RTTN: variants seen among roughly 807,000 people sequenced by gnomAD.
RTTN encodes the protein rotatin.
RTTN carries 182 observed loss-of-function variants against 269.2 expected under a neutral mutation model. The ratio of observed to expected loss-of-function variants is 0.68; its 90% CI spans 0.60 to 0.76. The LOEUF is 0.76. RTTN is among the 30% of genes least tolerant of loss of function. The probability of loss-of-function intolerance (pLI) is 0.00; values close to 1 mark genes in which losing one functional copy is unlikely to be tolerated. For synonymous variants in RTTN, 1,006 were observed against 963.5 expected, an observed-to-expected ratio of 1.04 and a Z score of -0.82; for missense variants, 2,545 against 2,608.6, an observed-to-expected ratio of 0.98 and a Z score of 0.53.
At chr18:70,092,831 T>C (rs759799507) in intron 28 of RTTN, 27 bp from the exon 29 acceptor site, 2 of 1,589,208 alleles carry the variant, frequency 1.3e-6, no homozygotes, top group Non-Finnish European at 1.7e-6. Flanking sequence ...AACAATTTCA[T>C]GGTGGCTTTA....
At chr18:70,091,342 G>A (rs2058840047) in intron 30 of RTTN, among the ~76,000 whole-genome samples, 1 of 152,034 alleles carries the variant, frequency 6.6e-6, no homozygotes, top group Non-Finnish European at 1.5e-5. Context: ...TTGAAGACAG[G>A]GTTTCTAGGA....
Position 70,169,040 on chromosome 18 carries a change from A to C in RTTN, c.1504T>G (p.Ser502Ala). The C allele has an allele frequency of 1.2e-6, 2 of 1,604,812 alleles. No individual in the cohort carries two copies. The highest frequency in any genetic ancestry group is 1.7e-6 in the Non-Finnish European group (2 of 1,177,778). The change falls in exon 12 of 49, where the codon TCA becomes GCA. Residue 502 changes from serine to alanine, a missense_variant. By Grantham distance (99) the Ser-to-Ala change is moderately conservative. Transcript: ENST00000640769. ...KASEFLSEPMSTALFLLSLDM... is the reference protein window; with the variant it reads ...KASEFLSEPMATALFLLSLDM... ...AAAGAAAGGAGAAATAATGCTGTTG[A>C]CATAGGCTCTGATAAAAACTCGCTT... is the stretch of plus-strand genomic sequence containing the variant.
chr18:70,039,593 G>C (rs2057280120), intron 40 of RTTN, among the ~76,000 whole-genome samples: 3 of 152,176 alleles, frequency 2.0e-5, no homozygotes, highest in Admixed American at 6.5e-5. Flanking sequence ...AAGGATGTTC[G>C]TGAGCAAGAA....
intron 21 of RTTN, among the ~76,000 whole-genome samples, chr18:70,135,855 T>TA: frequency 6.6e-6 from 1 of 152,292 alleles, no homozygotes; most frequent in South Asian, 2.1e-4. Context: ...CTCTACCACT[T>TA]ACTACTTAGC....
intron 40 of RTTN, among the ~76,000 whole-genome samples, chr18:70,037,353 A>G (rs560529084): frequency 1.5e-3 from 231 of 152,336 alleles, no homozygotes; most frequent in South Asian, 2.7e-3. Flanking sequence ...GGCTCGCAGC[A>G]ACAAAAGTGA....
At chr18:70,066,905 G>A (rs532616107) in intron 34 of RTTN, among the ~76,000 whole-genome samples, 105 of 152,080 alleles carry the variant, frequency 6.9e-4, no homozygotes, top group Non-Finnish European at 1.2e-3. Context: ...ACTAAAAATG[G>A]AATATACAGT....
Position 70,016,544 on chromosome 18 carries a change from CAT to C in RTTN, c.6421+861_6421+862del, listed in dbSNP as rs372766053. On this transcript the variant is annotated intron_variant, in intron 46 of 48. Coordinates refer to ENST00000640769, the MANE Select transcript of RTTN (RefSeq NM_173630.4). ...CCACCTTCTGTTTTTCACTAGAACACATGTCTTTTATAAAACTCACTCCCCAC... is the reference window on the plus strand; with the variant it reads ...CCACCTTCTGTTTTTCACTAGAACACGTCTTTTATAAAACTCACTCCCCAC... Among the ~76,000 whole-genome samples the C allele has an allele frequency of 1.3e-3, 204 of 152,322 alleles. 1 individual carries two copies. The highest frequency in any genetic ancestry group is 4.5e-3 in the African/African-American group (187 of 41,566).
In RTTN at chr18:70,048,137, G is replaced by T. The variant is rs2057544745; in HGVS notation, c.5375C>A (p.Thr1792Asn). 6.2e-7 allele frequency: 1 copy of T among 1,614,130 alleles called. No individual in the cohort carries two copies. The highest frequency in any genetic ancestry group is 8.5e-7 in the Non-Finnish European group (1 of 1,179,998). ...AACAGAAAGGAATTGCAAGCTGGCA[G>T]TATACAGGGCAGGACACGTGGCAGA... The part of the protein sequence containing the change: ...GLSATCPALY[T>N]ASLQFLSVLL... Residue 1792 changes from threonine to asparagine, a missense_variant, in exon 40 of 49, where the codon ACT becomes AAT. Coordinates refer to ENST00000640769, the MANE Select transcript of RTTN (RefSeq NM_173630.4).
chr18:70,169,043 T>A lies in RTTN; in HGVS notation c.1501A>T (p.Met501Leu). 1 of 1,599,622 alleles carries A rather than the reference T, an allele frequency of 6.3e-7. No homozygotes were observed. The highest frequency in any genetic ancestry group is 8.5e-7 in the Non-Finnish European group (1 of 1,176,306). The change falls in exon 12 of 49, where the codon ATG (methionine) becomes TTG (leucine). Residue 501 changes from methionine to leucine, a missense_variant. Coordinates refer to ENST00000640769, the MANE Select transcript of RTTN (RefSeq NM_173630.4). ...GAAAGGAGAAATAATGCTGTTGACA[T>A]AGGCTCTGATAAAAACTCGCTTGCC... is the stretch of plus-strand genomic sequence containing the variant. ...EKASEFLSEPMSTALFLLSLD... is the reference protein window; with the variant it reads ...EKASEFLSEPLSTALFLLSLD...
intron 40 of RTTN, among the ~76,000 whole-genome samples, chr18:70,042,853 T>C (rs116938232): frequency 0.013 from 1,942 of 152,324 alleles, 22 homozygotes; most frequent in South Asian, 0.023. Flanking sequence ...CAGTACCTTT[T>C]CTCTGAAAGC....
intron 35 of RTTN, among the ~76,000 whole-genome samples, chr18:70,060,962 G>A (rs980233092): frequency 6.8e-6 from 1 of 146,998 alleles, no homozygotes; most frequent in African/African-American, 2.7e-5. Context: ...ATTTCATTGT[G>A]TACATATATG....
chr18:70,048,720 G>C (rs1026346204), intron 39 of RTTN, among the ~76,000 whole-genome samples: 2 of 151,916 alleles, frequency 1.3e-5, no homozygotes, highest in African/African-American at 4.8e-5. Flanking sequence ...TCAGCAGTAG[G>C]GTTTCATGAG....
In RTTN at chr18:70,121,703, A is replaced by C; in HGVS notation, c.3384-3T>G. 1 of 1,537,252 alleles carries C rather than the reference A, an allele frequency of 6.5e-7. No homozygotes were observed. The highest frequency in any genetic ancestry group is 8.7e-7 in the Non-Finnish European group (1 of 1,147,942). ...AAGCAGGAAGCACCTGTAAAAACCT[A>C]TAATGAAAAGACAATAATCATGGTT... On this transcript the variant is annotated splice_region_variant and splice_polypyrimidine_tract_variant and intron_variant, in intron 25 of 48. Coordinates refer to ENST00000640769, the MANE Select transcript of RTTN (RefSeq NM_173630.4).
chr18:70,184,225 A>G (rs1018339320), intron 10 of RTTN, among the ~76,000 whole-genome samples: 2 of 152,262 alleles, frequency 1.3e-5, no homozygotes, highest in African/African-American at 4.8e-5. Flanking sequence ...AGACCTATAC[A>G]CTGACAACTT....
At chr18:70,142,861 C>G (rs1352990626) in intron 18 of RTTN, among the ~76,000 whole-genome samples, 1 of 152,118 alleles carries the variant, frequency 6.6e-6, no homozygotes, top group East Asian at 1.9e-4. Context: ...TCCATCTCTA[C>G]TAAAAATACA....
At chr18:70,018,488 TTC>T (rs150162601) in intron 45 of RTTN, among the ~76,000 whole-genome samples, 2 of 152,140 alleles carry the variant, frequency 1.3e-5, no homozygotes, top group African/African-American at 4.8e-5. Context: ...AGAATAACTC[TTC>T]TCTCTCTCTG....
intron 46 of RTTN, chr18:70,008,938 A>G (rs1456339658): frequency 6.6e-6 from 1 of 152,194 alleles, no homozygotes; most frequent in Non-Finnish European, 1.5e-5. Flanking sequence ...CCTCGAGAAG[A>G]GCAACCCCAA....
chr18:70,121,675 T>C lies in RTTN; in HGVS notation c.3409A>G (p.Thr1137Ala), dbSNP rs777672522. The stretch of plus-strand genomic sequence containing the variant: ...TCTATTAGCAGTTTCTCATCTTCAG[T>C]GCAAGCAGGAAGCACCTGTAAAAAC... ...NRFLQVLPACTEDEKLLIDII... is the reference protein window; with the variant it reads ...NRFLQVLPACAEDEKLLIDII... Residue 1137 changes from threonine (T) to alanine (A), a missense_variant, in exon 26 of 49, where the codon ACT becomes GCT. Transcript: ENST00000640769. 54 of 1,561,454 alleles carry C rather than the reference T, an allele frequency of 3.5e-5. No individual in the cohort carries two copies. The highest frequency in any genetic ancestry group is 1.7e-4 in the East Asian group (7 of 42,030).
chr18:70,017,541 A>G lies in RTTN; in HGVS notation c.6287T>C (p.Leu2096Pro). 1.2e-6 allele frequency: 2 copies of G among 1,614,144 alleles called. No individual in the cohort carries two copies. The highest frequency in any genetic ancestry group is 1.7e-6 in the Non-Finnish European group (2 of 1,179,992). Residue 2096 changes from leucine (L) to proline (P), a missense_variant, in exon 46 of 49, where the codon CTG (leucine) becomes CCG (proline). Coordinates refer to ENST00000640769, the MANE Select transcript of RTTN (RefSeq NM_173630.4). ...TAAGTCTAGACAGCCATCAAGCCTC[A>G]GAATCATTTGTTGCCCATCTTCTCC... ...SSGEDGQQMI[L>P]RLDGCLDLLT... is the part of the protein sequence containing the mutation.
Sources: gnomAD v4.1 joint callset for allele counts (sites outside exome capture counted in the v4.1 genomes callset) on GRCh38, gnomAD v4.1.1 for gene constraint, MANE v1.5 for transcripts, NCBI Gene and HGNC (gene_info 2026-07-23, HGNC 2026-07-21) for gene names.